The following USP6NL variants were observed in gnomAD, a reference collection of about 807,000 sequenced individuals.
USP6NL encodes USP6 N-terminal-like protein.
A neutral mutation model predicts 61.9 loss-of-function variants in USP6NL; 26 were observed. The observed-to-expected ratio is 0.42, with a 90% CI of 0.31 to 0.58. The LOEUF (loss-of-function observed/expected upper bound fraction) is 0.58. Ranked by LOEUF, USP6NL falls within the 20% of genes least tolerant of loss-of-function variation. The pLI, the probability that USP6NL is intolerant of heterozygous loss-of-function variation, is 0.16. For synonymous variants in USP6NL, 432 were observed against 390.1 expected (o/e 1.11, Z -1.27); for missense variants, 1,114 against 1,034.3 (o/e 1.08, Z -1.06).
Position 11,463,058 on chromosome 10 carries a change from G to A in USP6NL, c.1870C>T (p.Arg624Ter). 6.2e-7 allele frequency: 1 copy of A among 1,614,014 alleles called. No individual in the cohort carries two copies. The highest frequency in any genetic ancestry group is 8.5e-7 in the Non-Finnish European group (1 of 1,179,902). Residue 624 changes from arginine (R) to a stop codon, truncating the protein, a stop_gained, in exon 15 of 15, where the codon CGA (arginine) becomes TGA (stop). Transcript: ENST00000609104. LOFTEE classifies it low-confidence loss of function (END_TRUNC). The surrounding 1 kb of genome is among the most constrained non-coding windows in gnomAD (Gnocchi z 6.3). ...TAGGAGGGGGGATGAGCTAGCCCTCGGGCTTCCCCATCTAGCTGGGACGGA... is the reference window on the plus strand; with the variant it reads ...TAGGAGGGGGGATGAGCTAGCCCTCAGGCTTCCCCATCTAGCTGGGACGGA... ...RYPSQLDGEARGLAHPPSYSN... is the reference protein window; with the variant it reads ...RYPSQLDGEA
chr10:11,592,512 C>G lies in USP6NL; in HGVS notation c.4+5119G>C, dbSNP rs187046755. ...AGAATAACATTTAGAACTTTATATT[C>G]CCAAATCTAAATTTATCAAACATAA... is the stretch of plus-strand genomic sequence containing the variant. On this transcript the variant is annotated intron_variant, in intron 2 of 14. Coordinates refer to ENST00000609104, the MANE Select transcript of USP6NL (RefSeq NM_014688.5). This position sits in a 1 kb window ranked among gnomAD's most constrained non-coding sequence, Gnocchi z 4.7. 7.2e-5 allele frequency among the ~76,000 whole-genome samples: 11 copies of G among 152,250 alleles called. No homozygotes were observed. The East Asian group carries it at 1.2e-3, about 16-fold the overall frequency.
chr10:11,462,428 T>C lies in USP6NL; in HGVS notation c.*13A>G, dbSNP rs2096218113. The stretch of plus-strand genomic sequence containing the variant: ...TGGTTTCTCTCTCGTCTTTAGCAAG[T>C]ACACGTCAAATCTCACAGCAACACT... On this transcript the variant is annotated 3_prime_UTR_variant, in exon 15 of 15. Transcript: ENST00000609104. 6.2e-6 allele frequency: 10 copies of C among 1,608,500 alleles called. No homozygotes were observed. The highest frequency in any genetic ancestry group is 1.3e-5 in the African/African-American group (1 of 74,740).
chr10:11,590,580 T>C (rs1838131001), intron 2 of USP6NL, among the ~76,000 whole-genome samples: 1 of 152,184 alleles, frequency 6.6e-6, no homozygotes. Flanking sequence ...AATATTTTCA[T>C]ATAGAAATCC....
intron 2 of USP6NL, among the ~76,000 whole-genome samples, chr10:11,582,201 G>T (rs1837798113): frequency 6.6e-6 from 1 of 152,202 alleles, no homozygotes; most frequent in Non-Finnish European, 1.5e-5. Context: ...CCTGACCTCA[G>T]GCGATCTGCC....
rs1042177180 is a variant in USP6NL, at chr10:11,611,174, C to T, written c.-84+269G>A. The T allele has an allele frequency of 6.6e-6, 1 of 152,020 alleles. No individual in the cohort carries two copies. The highest frequency in any genetic ancestry group is 2.4e-5 in the African/African-American group (1 of 41,422). The allele number at this position is 152,020 out of a possible 1,614,324, so 9.4% of individuals were successfully genotyped here. ...CAGTCGCCGGGTTCCACCCCCGGGC[C>T]TCCCCGCACCCCGCGCGGCGCCCCC... On this transcript the variant is annotated intron_variant, in intron 1 of 14. Transcript: ENST00000609104. The surrounding 1 kb of genome is among the most constrained non-coding windows in gnomAD (Gnocchi z 5.3).
At chr10:11,583,470 C>T (rs914145684) in intron 2 of USP6NL, among the ~76,000 whole-genome samples, 4 of 152,050 alleles carry the variant, frequency 2.6e-5, no homozygotes, top group South Asian at 2.1e-4. Flanking sequence ...GGATTACAGG[C>T]GTGAGCCACC....
chr10:11,509,466 G>A, intron 6 of USP6NL, 129 bp downstream of exon 6: 1 of 788,988 alleles, frequency 1.3e-6, no homozygotes, highest in East Asian at 2.8e-5. Context: ...GAGGCATACT[G>A]CTAAATTAAA....
rs1006327045 is a variant in USP6NL, at chr10:11,470,480, C to A, written c.1079-6631G>T. On this transcript the variant is annotated intron_variant, in intron 14 of 14. Coordinates refer to ENST00000609104, the MANE Select transcript of USP6NL (RefSeq NM_014688.5). This position sits in a 1 kb window ranked among gnomAD's most constrained non-coding sequence, Gnocchi z 5.4. ...CTGAACTGAAAACACATCATGCAGA[C>A]CCTGTAAGAAGGACGAATGCCATCA... 6.6e-6 allele frequency among the ~76,000 whole-genome samples: 1 copy of A among 152,178 alleles called. No individual in the cohort carries two copies. Among genetic ancestry groups the A allele is most frequent in the Non-Finnish European group, 1.5e-5 (1 of 68,032 alleles).
chr10:11,472,973 A>G (rs1832819048), intron 14 of USP6NL, among the ~76,000 whole-genome samples: 1 of 152,212 alleles, frequency 6.6e-6, no homozygotes, highest in Non-Finnish European at 1.5e-5. Context: ...TAGAGTTTCA[A>G]TTTTTATACA....
rs1833596828 is a variant in USP6NL, at chr10:11,489,020, C to A, written c.664+82G>T. 1.3e-6 allele frequency: 2 copies of A among 1,561,878 alleles called. No individual in the cohort carries two copies. The highest frequency in any genetic ancestry group is 1.4e-5 in the African/African-American group (1 of 73,780). ...GAGACATTAAATTTGCTGTATGTAA[C>A]TCTTGCAAGCATCTTTGGTTTTGTT... On this transcript the variant is annotated intron_variant, in intron 10 of 14. Coordinates refer to ENST00000609104, the MANE Select transcript of USP6NL (RefSeq NM_014688.5). The surrounding 1 kb of genome is among the most constrained non-coding windows in gnomAD (Gnocchi z 5.7).
At chr10:11,571,661 A>G (rs1245315995) in intron 2 of USP6NL, among the ~76,000 whole-genome samples, 1 of 151,640 alleles carries the variant, frequency 6.6e-6, no homozygotes, top group African/African-American at 2.4e-5. Context: ...TTTTTTTTAA[A>G]TTCTCTTCTT....
Position 11,489,137 on chromosome 10 carries a change from A to G in USP6NL, c.629T>C (p.Val210Ala), listed in dbSNP as rs953979178. 6.2e-7 allele frequency: 1 copy of G among 1,613,840 alleles called. No homozygotes were observed. Among genetic ancestry groups the G allele is most frequent in the African/African-American group, 1.3e-5 (1 of 74,930 alleles). Residue 210 changes from valine to alanine, a missense_variant, in exon 10 of 15, where the codon GTC becomes GCC. Val to Ala is a moderately conservative substitution (Grantham distance 64). Transcript: ENST00000609104. The surrounding 1 kb of genome is among the most constrained non-coding windows in gnomAD (Gnocchi z 5.7). Reference protein sequence around the residue: ...MNEEDAFWALVKLFSGPKHAM... With the variant: ...MNEEDAFWALAKLFSGPKHAM... ...ATGTTTAGGGCCTGAGAAGAGTTTGACCAGGGCCCAGAAGGCATCTTCCTC... is the reference window on the plus strand; with the variant it reads ...ATGTTTAGGGCCTGAGAAGAGTTTGGCCAGGGCCCAGAAGGCATCTTCCTC...
rs139210293 is a variant in USP6NL, at chr10:11,575,888, T to C, written c.4+21743A>G. On this transcript the variant is annotated intron_variant, in intron 2 of 14. Transcript: ENST00000609104. This position sits in a 1 kb window ranked among gnomAD's most constrained non-coding sequence, Gnocchi z 4.2. Reference sequence around the variant, plus strand: ...ATGCAAAACAGGATCCCAGATTAGATAGTAGGCCAAAAAGGGTGAGGGGAA... The same window carrying C: ...ATGCAAAACAGGATCCCAGATTAGACAGTAGGCCAAAAAGGGTGAGGGGAA... Among the ~76,000 whole-genome samples, 492 of 152,134 alleles carry C rather than the reference T, an allele frequency of 3.2e-3. 2 individuals are homozygous for C. Among genetic ancestry groups the C allele is most frequent in the African/African-American group, 0.011 (449 of 41,514 alleles).
chr10:11,592,875 T>C lies in USP6NL; in HGVS notation c.4+4756A>G, dbSNP rs541233868. 8.3e-4 allele frequency among the ~76,000 whole-genome samples: 127 copies of C among 152,312 alleles called. 1 individual carries two copies. Among genetic ancestry groups the C allele is most frequent in the African/African-American group, 2.9e-3 (119 of 41,560 alleles). Reference sequence around the variant, plus strand: ...TAACATTATCTGCTCTAACAAATATTAAAACAAATTGTTCTTCACTTCAGC... The same window carrying C: ...TAACATTATCTGCTCTAACAAATATCAAAACAAATTGTTCTTCACTTCAGC... On this transcript the variant is annotated intron_variant, in intron 2 of 14. Transcript: ENST00000609104. The surrounding 1 kb of genome is among the most constrained non-coding windows in gnomAD (Gnocchi z 4.7).
At chr10:11,507,750 A>G (rs989979911) in intron 6 of USP6NL, among the ~76,000 whole-genome samples, 1 of 152,216 alleles carries the variant, frequency 6.6e-6, no homozygotes, top group African/African-American at 2.4e-5. Flanking sequence ...ATTTAATAAT[A>G]AGCAACACAT....
In USP6NL at chr10:11,596,294, T is replaced by C. The variant is rs1838323892; in HGVS notation, c.4+1337A>G. Among the ~76,000 whole-genome samples the C allele has an allele frequency of 6.6e-6, 1 of 152,180 alleles. No homozygotes were observed. Among genetic ancestry groups the C allele is most frequent in the Non-Finnish European group, 1.5e-5 (1 of 68,022 alleles). ...AGCACTTTACATTAGATAAACTTTC[T>C]CACAAAATGTCATGATTGGAGCTGA... On this transcript the variant is annotated intron_variant, in intron 2 of 14. Coordinates refer to ENST00000609104, the MANE Select transcript of USP6NL (RefSeq NM_014688.5). This position sits in a 1 kb window ranked among gnomAD's most constrained non-coding sequence, Gnocchi z 4.1.
chr10:11,540,325 A>T lies in USP6NL; in HGVS notation c.5-12758T>A, dbSNP rs990697474. 3.9e-5 allele frequency among the ~76,000 whole-genome samples: 6 copies of T among 152,230 alleles called. No individual in the cohort carries two copies. Among genetic ancestry groups the T allele is most frequent in the African/African-American group, 1.4e-4 (6 of 41,470 alleles). On this transcript the variant is annotated intron_variant, in intron 2 of 14. Transcript: ENST00000609104. This position sits in a 1 kb window ranked among gnomAD's most constrained non-coding sequence, Gnocchi z 5.0. ...TTTAAGTTGTGTGTTTTAGGATAAT[A>T]ACAAGAAATGATCTGGAAACATGTA...
chr10:11,522,904 C>T (rs1388562538), intron 4 of USP6NL, among the ~76,000 whole-genome samples: 1 of 152,222 alleles, frequency 6.6e-6, no homozygotes, highest in Non-Finnish European at 1.5e-5. Flanking sequence ...TGCCAAGGTC[C>T]ACACCCTAGA....
chr10:11,590,926 A>T (rs1838141446), intron 2 of USP6NL, among the ~76,000 whole-genome samples: 1 of 152,154 alleles, frequency 6.6e-6, no homozygotes, highest in African/African-American at 2.4e-5. Flanking sequence ...TAACTAATAC[A>T]GGAATTCCTT....
Sources: gnomAD v4.1 joint callset for allele counts (sites outside exome capture counted in the v4.1 genomes callset) on GRCh38, gnomAD v4.1.1 for gene constraint, Gnocchi (gnomAD v3.1) non-coding constraint, MANE v1.5 for transcripts, NCBI Gene and HGNC (gene_info 2026-07-23, HGNC 2026-07-21) for gene names.